NHSL1: variants seen among roughly 807,000 people sequenced by gnomAD.
The protein encoded by NHSL1 is NHS like 1, also known as NHS-like protein 1.
Under a neutral mutation model 95.0 loss-of-function variants are expected in NHSL1, and 48 were observed. The ratio of observed to expected loss-of-function variants is 0.51; its 90% CI spans 0.40 to 0.64. The LOEUF is 0.64. NHSL1 is among the 30% of genes least tolerant of loss of function. The probability of loss-of-function intolerance (pLI) is 0.00; values close to 1 mark genes in which losing one functional copy is unlikely to be tolerated. For synonymous variants in NHSL1, 783 were observed against 833.9 expected, an observed-to-expected ratio of 0.94 and a Z score of 1.05; for missense variants, 1,971 against 2,077.7, an observed-to-expected ratio of 0.95 and a Z score of 1.00.
At chr6:138,664,915 AGACATTC>A (rs1465270501) in intron 1 of NHSL1, among the ~76,000 whole-genome samples, 2 of 152,182 alleles carry the variant, frequency 1.3e-5, no homozygotes, top group Non-Finnish European at 2.9e-5. Flanking sequence ...TTTTATCTTA[AGACATTC>A]AACTGATTGG....
At chr6:138,533,372 G>C (rs1467556068) in intron 1 of NHSL1, among the ~76,000 whole-genome samples, 3 of 152,084 alleles carry the variant, frequency 2.0e-5, no homozygotes, top group Non-Finnish European at 4.4e-5. Flanking sequence ...AGACCAGCCT[G>C]ACCAACATGG....
chr6:138,671,464 A>AT (rs1184435038), intron 1 of NHSL1, among the ~76,000 whole-genome samples: 1 of 151,856 alleles, frequency 6.6e-6, no homozygotes, highest in African/African-American at 2.4e-5. Flanking sequence ...AAAAAAAAAA[A>AT]AGATATCAGA....
At chr6:138,517,770 C>T (rs1441993407) in intron 1 of NHSL1, among the ~76,000 whole-genome samples, 1 of 152,222 alleles carries the variant, frequency 6.6e-6, no homozygotes, top group Non-Finnish European at 1.5e-5. Context: ...CATCACAGAG[C>T]ATGCGCAAGT....
intron 3 of NHSL1, among the ~76,000 whole-genome samples, chr6:138,450,057 C>A (rs1777128499): frequency 6.6e-6 from 1 of 152,136 alleles, no homozygotes; most frequent in Non-Finnish European, 1.5e-5. Flanking sequence ...TCACACAGAT[C>A]CTTAAAGACA....
chr6:138,565,408 G>T (rs540438145), intron 1 of NHSL1, among the ~76,000 whole-genome samples: 1 of 152,114 alleles, frequency 6.6e-6, no homozygotes, highest in East Asian at 1.9e-4. Flanking sequence ...GTCCCAGCTG[G>T]TTTTTGTATC....
intron 1 of NHSL1, 66 bp downstream of exon 1, chr6:138,499,167 A>C: frequency 9.6e-7 from 1 of 1,041,984 alleles, no homozygotes; most frequent in Non-Finnish European, 1.4e-6. Flanking sequence ...ACAGACACAC[A>C]GGGACATATA....
At chr6:138,645,865 T>C (rs1022119249) in intron 1 of NHSL1, among the ~76,000 whole-genome samples, 3 of 152,192 alleles carry the variant, frequency 2.0e-5, no homozygotes, top group Admixed American at 2.0e-4. Context: ...GGTCTTTTTG[T>C]TCACTGAAGA....
Position 138,424,037 on chromosome 6 carries a change from G to T in NHSL1, c.*44C>A. 2 of 1,346,672 alleles carry T rather than the reference G, an allele frequency of 1.5e-6. No homozygotes were observed. Among genetic ancestry groups the T allele is most frequent in the East Asian group, 2.7e-5 (1 of 37,518 alleles). 83.4% of individuals were successfully genotyped at this position (1,346,672 alleles called of 1,614,324 possible). ...AGCAGGCTTCCTAGAGTGCTGCATT[G>T]CTCGTCTCCCCCCGTGTCACCTGGG... On this transcript the variant is annotated 3_prime_UTR_variant, in exon 8 of 8. Coordinates refer to ENST00000343505, the MANE Select transcript of NHSL1 (RefSeq NM_001144060.2). The surrounding 1 kb of genome is among the most constrained non-coding windows in gnomAD (Gnocchi z 5.9).
chr6:138,672,621 C>A (rs984371552), intron 1 of NHSL1, among the ~76,000 whole-genome samples: 9 of 152,210 alleles, frequency 5.9e-5, no homozygotes, highest in African/African-American at 1.9e-4. Flanking sequence ...TAATTCAGAA[C>A]ACTTTCCACT....
chr6:138,580,748 C>CT (rs1481679689), intron 1 of NHSL1, among the ~76,000 whole-genome samples: 1 of 152,192 alleles, frequency 6.6e-6, no homozygotes, highest in African/African-American at 2.4e-5. Context: ...ATTACCAATT[C>CT]TTTAAGTATT....
chr6:138,610,228 T>G (rs183025969), intron 1 of NHSL1, among the ~76,000 whole-genome samples: 1 of 152,050 alleles, frequency 6.6e-6, no homozygotes, highest in South Asian at 2.1e-4. Flanking sequence ...AAACCACAAC[T>G]TAGAAGACAA....
At chr6:138,491,372 A>T (rs1780070730) in intron 2 of NHSL1, among the ~76,000 whole-genome samples, 1 of 152,202 alleles carries the variant, frequency 6.6e-6, no homozygotes, top group Admixed American at 6.5e-5. Context: ...AGCCTTTAAT[A>T]TGCTCATAGT....
intron 1 of NHSL1, among the ~76,000 whole-genome samples, chr6:138,658,620 T>C (rs1785187425): frequency 1.3e-5 from 2 of 152,210 alleles, no homozygotes; most frequent in Admixed American, 6.5e-5. Flanking sequence ...TTCCATATCT[T>C]GGTATTGCAA....
At chr6:138,513,012 T>G (rs1009866094) in intron 1 of NHSL1, among the ~76,000 whole-genome samples, 1 of 152,202 alleles carries the variant, frequency 6.6e-6, no homozygotes, top group South Asian at 2.1e-4. Context: ...AACTAACATG[T>G]TCATTTAAAA....
chr6:138,588,536 C>A (rs1322637367), intron 1 of NHSL1, among the ~76,000 whole-genome samples: 1 of 152,116 alleles, frequency 6.6e-6, no homozygotes, highest in Admixed American at 6.5e-5. Context: ...TAAGTAAAGC[C>A]ATTTTCCAAG....
rs144236624 is a variant in NHSL1 at position 138,560,820 on chromosome 6, G to C, written c.202+10890C>G. Reference sequence around the variant, plus strand: ...CTCAGAAGGCAATCCAGAAACACCAGATACCCAGTTTCTGCTTTAGCTGAG... The same window carrying C: ...CTCAGAAGGCAATCCAGAAACACCACATACCCAGTTTCTGCTTTAGCTGAG... On this transcript the variant is annotated intron_variant, in intron 1 of 6. Coordinates refer to the NHSL1 transcript ENST00000427025. 4.8e-3 allele frequency among the ~76,000 whole-genome samples: 730 copies of C among 152,328 alleles called. 4 individuals carry two copies. The highest frequency in any genetic ancestry group is 6.1e-3 in the Non-Finnish European group (415 of 68,026).
intron 1 of NHSL1, among the ~76,000 whole-genome samples, chr6:138,530,369 G>A (rs1782082658): frequency 6.6e-6 from 1 of 152,296 alleles, no homozygotes; most frequent in South Asian, 2.1e-4. Context: ...ACAGTATGGA[G>A]ATTCCTTAAA....
Position 138,690,128 on chromosome 6 carries a change from G to A in NHSL1, c.96+2348C>T, listed in dbSNP as rs147221882. Among the ~76,000 whole-genome samples, 205 of 152,268 alleles carry A rather than the reference G, an allele frequency of 1.3e-3. 1 individual carries two copies. The highest frequency in any genetic ancestry group is 4.4e-3 in the African/African-American group (182 of 41,550). On this transcript the variant is annotated intron_variant, in intron 1 of 3. Coordinates refer to the NHSL1 transcript ENST00000491526. ...AATTCACGAAATGGATGGCCTTTAC[G>A]GTCAATTCCAAGTCTAAAAGTCTAG...
intron 1 of NHSL1, among the ~76,000 whole-genome samples, chr6:138,583,899 G>C (rs79122351): frequency 6.6e-6 from 1 of 152,024 alleles, no homozygotes; most frequent in Non-Finnish European, 1.5e-5. Flanking sequence ...AGGAGTAGGA[G>C]AGCAGCCTGG....
Sources: gnomAD v4.1 joint callset for allele counts (sites outside exome capture counted in the v4.1 genomes callset) on GRCh38, gnomAD v4.1.1 for gene constraint, Gnocchi (gnomAD v3.1) non-coding constraint, MANE v1.5 for transcripts, NCBI Gene and HGNC (gene_info 2026-07-23, HGNC 2026-07-21) for gene names.